The following DMD variants were observed in gnomAD, a reference collection of about 807,000 sequenced individuals.
DMD encodes mutant dystrophin.
In DMD, 63 loss-of-function variants were observed where a neutral mutation model predicts 330.1. The ratio of observed to expected loss-of-function variants is 0.19; its 90% CI spans 0.16 to 0.24. The LOEUF is 0.24. Among genes scored for constraint, DMD ranks in the 10% least tolerant of loss-of-function variants. The pLI is 1.00. For missense variants in DMD, 3,344 were observed against 2,684.1 expected (o/e 1.25, Z -5.43); for synonymous variants, 1,223 against 959.8 (o/e 1.27, Z -5.07).
intron 1 of DMD, among the ~76,000 whole-genome samples, chrX:33,310,652 T>C (rs2053834808): frequency 9.0e-6 from 1 of 111,596 alleles, no homozygotes; most frequent in Admixed American, 9.6e-5. Flanking sequence ...TAAGAAATTA[T>C]CCATATTAGC....
chrX:31,492,370 C>G (rs758067091), intron 57 of DMD, among the ~76,000 whole-genome samples: 1 of 111,986 alleles, frequency 8.9e-6, no homozygotes, highest in Admixed American at 9.5e-5. Context: ...GCATCACTAA[C>G]TAGACAGTCC....
intron 51 of DMD, among the ~76,000 whole-genome samples, chrX:31,732,962 G>A (rs2086618604): frequency 9.0e-6 from 1 of 111,429 alleles, no homozygotes; most frequent in Non-Finnish European, 1.9e-5. Context: ...CATGATAATG[G>A]ATCGTGTCTA....
intron 2 of DMD, among the ~76,000 whole-genome samples, chrX:33,000,745 A>G (rs1458928232): frequency 8.9e-6 from 1 of 111,982 alleles, no homozygotes; most frequent in East Asian, 2.8e-4. Flanking sequence ...TGAAGAAATA[A>G]TATTTTTGTT....
chrX:32,555,051 T>A (rs1034311418), intron 16 of DMD, among the ~76,000 whole-genome samples: 6 of 108,769 alleles, frequency 5.5e-5, no homozygotes, highest in Non-Finnish European at 1.2e-4. Context: ...GATGCAACAA[T>A]TCTCAATACC....
chrX:31,206,934 T>G (rs72466551), intron 65 of DMD, among the ~76,000 whole-genome samples: 1 of 99,628 alleles, frequency 1.0e-5, no homozygotes, highest in Non-Finnish European at 2.0e-5. Flanking sequence ...AAACCCTTAT[T>G]TGAACTGCAA....
intron 51 of DMD, among the ~76,000 whole-genome samples, chrX:31,763,454 T>C (rs1238274765): frequency 2.7e-5 from 3 of 111,782 alleles, no homozygotes; most frequent in Non-Finnish European, 5.6e-5. Flanking sequence ...TCCCAGCTAC[T>C]CAGGAGGCTG....
At chrX:32,169,925 A>G (rs1483576021) in intron 44 of DMD, among the ~76,000 whole-genome samples, 2 of 111,984 alleles carry the variant, frequency 1.8e-5, no homozygotes, top group Non-Finnish European at 3.8e-5. Context: ...AAGAAAAAAA[A>G]CTCACTGTCT....
rs1256904375 is a variant in DMD at position 33,190,870 on chromosome X, TATATATATA to T, written c.31+20403_31+20411del. Among the ~76,000 whole-genome samples, 2 of 1,702 alleles carry T rather than the reference TATATATATA, an allele frequency of 1.2e-3. 1 individual carries two copies. Among genetic ancestry groups the T allele is most frequent in the Non-Finnish European group, 2.0e-3 (2 of 987 alleles). The allele number at this position is 1,702 out of a possible 115,157, so 1.5% of individuals were successfully genotyped here. On this transcript the variant is annotated intron_variant, in intron 1 of 78. Transcript: ENST00000357033. ...AATATATAATATATAATATTATATA[TATATATATA>T]ATATATAATATTATATATTATATAA...
At chrX:32,450,928 G>A (rs1179506190) in intron 26 of DMD, among the ~76,000 whole-genome samples, 1 of 110,765 alleles carries the variant, frequency 9.0e-6, no homozygotes, top group Non-Finnish European at 1.9e-5. Context: ...TATTAATCCA[G>A]GTACATATGA....
intron 1 of DMD, among the ~76,000 whole-genome samples, chrX:33,299,499 T>A (rs2053631296): frequency 9.0e-6 from 1 of 111,682 alleles, no homozygotes; most frequent in African/African-American, 3.2e-5. Flanking sequence ...TAAACTTGAC[T>A]CCGTGCAGAT....
chrX:31,512,876 G>T (rs6631320), intron 55 of DMD, among the ~76,000 whole-genome samples: 9,070 of 107,362 alleles, frequency 0.084, 517 homozygotes, highest in Admixed American at 0.16. Flanking sequence ...GTGAAGAAAG[G>T]CATTGGTAGC....
intron 61 of DMD, among the ~76,000 whole-genome samples, chrX:31,341,934 T>TGTACACACAC (rs2057796597): frequency 1.9e-5 from 2 of 108,101 alleles, no homozygotes; most frequent in Non-Finnish European, 3.8e-5. Context: ...TGTACACACA[T>TGTACACACAC]ATCTAACAAA....
At chrX:33,034,536 C>G (rs180973407) in intron 1 of DMD, among the ~76,000 whole-genome samples, 7 of 112,251 alleles carry the variant, frequency 6.2e-5, no homozygotes, top group Non-Finnish European at 1.3e-4. Flanking sequence ...CTAACTTGCT[C>G]TATGGGCTTC....
chrX:32,559,450 A>G lies in DMD; in HGVS notation c.1992+6252T>C, dbSNP rs2050746131. ...GGCTTACTAGTCGTGGAGAGCTTTCAGGAAGCAATGAAAAGGTCTTTTAAA... is the reference window on the plus strand; with the variant it reads ...GGCTTACTAGTCGTGGAGAGCTTTCGGGAAGCAATGAAAAGGTCTTTTAAA... On this transcript the variant is annotated intron_variant, in intron 16 of 78. Transcript: ENST00000357033. 2.7e-5 allele frequency among the ~76,000 whole-genome samples: 3 copies of G among 111,459 alleles called. No homozygotes were observed. In the Admixed American group the frequency reaches 2.9e-4, roughly 11 times the overall value.
intron 51 of DMD, among the ~76,000 whole-genome samples, chrX:31,745,837 G>A (rs1299890181): frequency 8.9e-6 from 1 of 112,299 alleles, no homozygotes; most frequent in Non-Finnish European, 1.9e-5. Context: ...CTTTCAGAGT[G>A]TGAGAAGAAA....
chrX:32,302,440 A>G (rs2097526850), intron 42 of DMD, among the ~76,000 whole-genome samples: 1 of 111,482 alleles, frequency 9.0e-6, no homozygotes, highest in Non-Finnish European at 1.9e-5. Flanking sequence ...ATATGATCAA[A>G]AGTTTGTAAG....
intron 44 of DMD, among the ~76,000 whole-genome samples, chrX:32,215,462 C>T (rs2097109003): frequency 9.0e-6 from 1 of 111,390 alleles, no homozygotes; most frequent in East Asian, 2.8e-4. Flanking sequence ...CTCCATTTTA[C>T]AATGGCTTTC....
upstream of DMD, among the ~76,000 whole-genome samples, chrX:33,214,944 C>A (rs758141336): frequency 1.8e-3 from 198 of 112,571 alleles, no homozygotes; most frequent in Middle Eastern, 0.018. Context: ...TGAGCCACCA[C>A]ACTCGGCCAG....
chrX:31,304,776 TATG>T (rs72001952), intron 62 of DMD, among the ~76,000 whole-genome samples: 1,812 of 110,974 alleles, frequency 0.016, 17 homozygotes, highest in East Asian at 0.09. Flanking sequence ...CTCATCCCAA[TATG>T]ATGGCATCCC....
Sources: gnomAD v4.1 joint callset for allele counts (sites outside exome capture counted in the v4.1 genomes callset) on GRCh38, gnomAD v4.1.1 for gene constraint, MANE v1.5 for transcripts, NCBI Gene and HGNC (gene_info 2026-07-23, HGNC 2026-07-21) for gene names.